The following EBF4 variants were observed in gnomAD, a reference collection of about 807,000 sequenced individuals.
EBF4 encodes EBF transcription factor 4.
In EBF4, 34 loss-of-function variants were observed where a neutral mutation model predicts 67.1. The ratio of observed to expected loss-of-function variants is 0.51; its 90% confidence interval spans 0.39 to 0.67. The LOEUF (loss-of-function observed/expected upper bound fraction) is 0.67. Among genes scored for constraint, EBF4 ranks in the 30% least tolerant of loss-of-function variants. The pLI is 0.00. For synonymous variants in EBF4, 387 were observed against 377.7 expected (o/e 1.02, Z -0.29); for missense variants, 837 against 873.3 (o/e 0.96, Z 0.52).
intron 6 of EBF4, among the ~76,000 whole-genome samples, chr20:2,717,764 G>T (rs1262667647): frequency 6.7e-6 from 1 of 150,360 alleles, no homozygotes; most frequent in Non-Finnish European, 1.5e-5. Flanking sequence ...TATTGCACTG[G>T]CTAGGACCTC....
At position 2,751,959 on chromosome 20, in the gene EBF4, C is replaced by A. The variant is rs1393563562; in HGVS notation, c.1145C>A (p.Ala382Asp). The change falls in exon 12 of 17, where the codon GCC (alanine) becomes GAC (aspartate). Residue 382 changes from alanine (A) to aspartate (D), a missense_variant. By Grantham distance (126) the Ala-to-Asp change is moderately radical (BLOSUM62 -2). This residue lies in a region of EBF4 where 525 missense variants were observed against 496.5 expected (regional missense o/e 1.06). Transcript: ENST00000609451. The surrounding 1 kb of genome is among the most constrained non-coding windows in gnomAD (Gnocchi z 5.2). The stretch of plus-strand genomic sequence containing the variant: ...AAGCGGGCGGCCGACTTGGCAGAAG[C>A]CCTGTACGGAGTGCCCGGCAGTAAC... The A allele has an allele frequency of 6.5e-7, 1 of 1,548,856 alleles. No individual in the cohort carries two copies. The highest frequency in any genetic ancestry group is 8.7e-7 in the Non-Finnish European group (1 of 1,146,770).
intron 6 of EBF4, among the ~76,000 whole-genome samples, chr20:2,741,223 G>A (rs888069484): frequency 6.6e-6 from 1 of 151,904 alleles, no homozygotes; most frequent in Non-Finnish European, 1.5e-5. Context: ...GAGGTGAGAG[G>A]ATCACTTAAG....
chr20:2,743,055 T>A (rs1726500032), intron 6 of EBF4, among the ~76,000 whole-genome samples: 2 of 151,928 alleles, frequency 1.3e-5, no homozygotes, highest in Non-Finnish European at 2.9e-5. Flanking sequence ...TCTCTCACTC[T>A]CCCCCAGTCC....
rs1456027542 is a variant in EBF4, at chr20:2,696,114, C to T, written c.137+2332C>T. 6.6e-6 allele frequency among the ~76,000 whole-genome samples: 1 copy of T among 152,226 alleles called. No individual in the cohort carries two copies. Among genetic ancestry groups the T allele is most frequent in the Non-Finnish European group, 1.5e-5 (1 of 68,042 alleles). ...CACTCCCCTAAAACCATCTTCCCTGCATTGGGGACCAAAGCAGTATTTCCA... is the reference window on the plus strand; with the variant it reads ...CACTCCCCTAAAACCATCTTCCCTGTATTGGGGACCAAAGCAGTATTTCCA... On this transcript the variant is annotated intron_variant, in intron 1 of 16. Coordinates refer to ENST00000609451, the Ensembl canonical transcript of EBF4. The surrounding 1 kb of genome is among the most constrained non-coding windows in gnomAD (Gnocchi z 4.7).
At chr20:2,706,285 C>T (rs1241483262) in intron 4 of EBF4, 21 bp downstream of exon 4, 2 of 1,551,450 alleles carry the variant, frequency 1.3e-6, no homozygotes, top group Non-Finnish European at 1.7e-6. Flanking sequence ...GCAGAGGGTG[C>T]TGAGGCCCAT....
intron 1 of EBF4, among the ~76,000 whole-genome samples, chr20:2,704,587 C>T (rs993144172): frequency 6.6e-6 from 1 of 152,226 alleles, no homozygotes; most frequent in Non-Finnish European, 1.5e-5. Context: ...CTGTTGAGCT[C>T]CTGTTTATTC....
intron 1 of EBF4, among the ~76,000 whole-genome samples, chr20:2,703,440 A>G (rs1003153669): frequency 6.6e-6 from 1 of 151,910 alleles, no homozygotes; most frequent in Non-Finnish European, 1.5e-5. Context: ...TGTCTCAAAA[A>G]AAAGTATTCC....
At chr20:2,738,630 G>C (rs2087923781) in intron 6 of EBF4, among the ~76,000 whole-genome samples, 1 of 152,054 alleles carries the variant, frequency 6.6e-6, no homozygotes, top group Non-Finnish European at 1.5e-5. Context: ...TTTGGGGAAA[G>C]TGGAGCCACT....
upstream of EBF4, chr20:2,693,467 C>G (rs550933717): frequency 2.4e-5 from 16 of 662,358 alleles, no homozygotes; most frequent in Non-Finnish European, 3.2e-5. This position sits in a 1 kb window ranked among gnomAD's most constrained non-coding sequence, Gnocchi z 4.6. Flanking sequence ...AGCGCCGGCG[C>G]CCGCGGACCC....
At chr20:2,729,923 A>C (rs191462384) in intron 6 of EBF4, among the ~76,000 whole-genome samples, 3 of 152,218 alleles carry the variant, frequency 2.0e-5, no homozygotes, top group East Asian at 3.9e-4. Flanking sequence ...CTGGAGTCCA[A>C]CCTCCAGCCT....
chr20:2,740,402 C>T lies in EBF4; in HGVS notation c.558-8147C>T, dbSNP rs375166346. 2.0e-4 allele frequency among the ~76,000 whole-genome samples: 31 copies of T among 152,316 alleles called. No homozygotes were observed. In the East Asian group the frequency reaches 4.8e-3, roughly 24 times the overall value. On this transcript the variant is annotated intron_variant, in intron 6 of 16. Coordinates refer to ENST00000609451, the Ensembl canonical transcript of EBF4. ...ACATTTCCAGTGCTTAGTAGCCATG[C>T]GTGGCTAATGCATATCATTCTGGAA... is the stretch of plus-strand genomic sequence containing the variant.
intron 6 of EBF4, among the ~76,000 whole-genome samples, chr20:2,746,475 G>C (rs2088052334): frequency 6.6e-6 from 1 of 152,104 alleles, no homozygotes; most frequent in African/African-American, 2.4e-5. Flanking sequence ...CAGGACCCCA[G>C]GGAGAGGTAT....
intron 6 of EBF4, among the ~76,000 whole-genome samples, chr20:2,711,430 G>A (rs753156420): frequency 1.5e-4 from 23 of 152,150 alleles, no homozygotes; most frequent in Non-Finnish European, 3.2e-4. Flanking sequence ...CTTTGTCCAT[G>A]TGCCATTTCA....
chr20:2,719,746 C>T (rs1317984394), intron 6 of EBF4, among the ~76,000 whole-genome samples: 1 of 152,208 alleles, frequency 6.6e-6, no homozygotes, highest in Non-Finnish European at 1.5e-5. Flanking sequence ...GTTTGTCAGA[C>T]AACATGTACT....
chr20:2,697,427 C>T (rs1418401580), intron 1 of EBF4, among the ~76,000 whole-genome samples: 2 of 151,952 alleles, frequency 1.3e-5, no homozygotes, highest in Admixed American at 6.6e-5. Context: ...CGCCTGTAGT[C>T]CCAGCTACTC....
chr20:2,752,471 C>T (rs1344836461), exon 14 of EBF4: 2 of 1,265,520 alleles, frequency 1.6e-6, no homozygotes, highest in Middle Eastern at 2.9e-4. Context: ...TACGGCGCGC[C>T]GGGCGTGGCC....
chr20:2,752,631 TG>T, intron 14 of EBF4, 86 bp downstream of exon 14: 1 of 1,123,798 alleles, frequency 8.9e-7, no homozygotes, highest in Non-Finnish European at 1.1e-6. Flanking sequence ...CCGGAGAGGT[TG>T]GGGCGCCGGC....
chr20:2,698,018 G>A (rs1394174183), intron 1 of EBF4, among the ~76,000 whole-genome samples: 2 of 152,204 alleles, frequency 1.3e-5, no homozygotes, highest in South Asian at 2.1e-4. Flanking sequence ...ATTCATAGCC[G>A]ATTCTCAGCC....
Position 2,693,898 on chromosome 20 carries a change from C to T in EBF4, c.137+116C>T, listed in dbSNP as rs2087248827. On this transcript the variant is annotated intron_variant, in intron 1 of 16. Transcript: ENST00000609451. This position sits in a 1 kb window ranked among gnomAD's most constrained non-coding sequence, Gnocchi z 4.6. ...GAAGGAGCCCTAACTCTGGACGGTC[C>T]CGGCGAGCTCCCCGGCCCACCCCGT... The T allele has an allele frequency of 6.6e-6, 8 of 1,209,448 alleles. No homozygotes were observed. In the South Asian group the frequency reaches 2.7e-4, roughly 40 times the overall value. The allele number at this position is 1,209,448 out of a possible 1,614,324, so 74.9% of individuals were successfully genotyped here. A position where few individuals can be genotyped will look rare whatever the true frequency, so the allele number is the denominator to read the frequency against.
Sources: gnomAD v4.1 joint callset for allele counts (sites outside exome capture counted in the v4.1 genomes callset) on GRCh38, gnomAD v4.1.1 for gene constraint, gnomAD v4.1.1 regional missense constraint, Gnocchi (gnomAD v3.1) non-coding constraint, MANE v1.5 for transcripts, NCBI Gene and HGNC (gene_info 2026-07-23, HGNC 2026-07-21) for gene names.